The following RAB35 variants were observed in gnomAD, a reference collection of about 807,000 sequenced individuals.
RAB35 encodes ras-related protein Rab-35.
In RAB35, 4 loss-of-function variants were observed where a neutral mutation model predicts 28.9. That is an observed-to-expected ratio of 0.14 (90% CI 0.07 to 0.32). The LOEUF (loss-of-function observed/expected upper bound fraction) is 0.32. Ranked by LOEUF, RAB35 falls within the 10% of genes least tolerant of loss-of-function variation. RAB35 has a pLI of 1.00. For missense variants in RAB35, 128 were observed against 274.0 expected, an observed-to-expected ratio of 0.47 and a Z score of 3.76; for synonymous variants, 99 against 105.1, an observed-to-expected ratio of 0.94 and a Z score of 0.35.
intron 5 of RAB35, among the ~76,000 whole-genome samples, chr12:120,098,504 T>C (rs929392037): frequency 3.9e-5 from 6 of 152,232 alleles, no homozygotes; most frequent in Admixed American, 6.5e-5. Flanking sequence ...GAGTGGAAAC[T>C]GTGCTTGGCT....
At chr12:120,101,359 C>T (rs1032881040) in intron 3 of RAB35, among the ~76,000 whole-genome samples, 6 of 152,240 alleles carry the variant, frequency 3.9e-5, no homozygotes, top group East Asian at 1.9e-4. Context: ...CCAGGCCCAA[C>T]GCCAGGGCCT....
In RAB35 at chr12:120,096,796, C is replaced by T. The variant is rs771435735; in HGVS notation, c.*449G>A. ...GCCCACTCCACTGGCACGGGCTGGC[C>T]GCAGACGCAGCTAGAACGTGCCGCT... On this transcript the variant is annotated 3_prime_UTR_variant, in exon 6 of 6. Transcript: ENST00000229340. The T allele has an allele frequency of 5.4e-6, 7 of 1,291,210 alleles. No individual in the cohort carries two copies. The South Asian group carries it at 7.4e-5, about 14-fold the overall frequency. The allele number at this position is 1,291,210 out of a possible 1,614,324, so 80.0% of individuals were successfully genotyped here.
chr12:120,107,027 C>T (rs972101174), intron 2 of RAB35, among the ~76,000 whole-genome samples: 1 of 151,898 alleles, frequency 6.6e-6, no homozygotes, highest in Non-Finnish European at 1.5e-5. Context: ...CTCGCTCTGT[C>T]GTTCAGGCTG....
intron 2 of RAB35, among the ~76,000 whole-genome samples, chr12:120,105,174 C>A (rs59709506): frequency 0.096 from 14,658 of 152,174 alleles, 949 homozygotes; most frequent in African/African-American, 0.18. Flanking sequence ...CTGGGCCTAG[C>A]TTGAAAGAAC....
At chr12:120,098,407 C>T (rs1397187380) in intron 5 of RAB35, among the ~76,000 whole-genome samples, 1 of 152,246 alleles carries the variant, frequency 6.6e-6, no homozygotes, top group Non-Finnish European at 1.5e-5. Flanking sequence ...GCTGTGTGGC[C>T]CCTGTGCCCT....
At chr12:120,110,304 T>TTTTTTTTTTTTTTTTTTTTTTTTTTG (rs1566287423) in intron 1 of RAB35, among the ~76,000 whole-genome samples, 1 of 148,792 alleles carries the variant, frequency 6.7e-6, no homozygotes. Context: ...TTTTTTTTTT[T>TTTTTTTTTTTTTTTTTTTTTTTTTTG]GGAGAGATAG....
In RAB35 at chr12:120,095,293, G is replaced by A. The variant is rs1175023965; in HGVS notation, c.*1952C>T. On this transcript the variant is annotated 3_prime_UTR_variant, in exon 6 of 6. Transcript: ENST00000229340. ...ATAACCCCCATTCATGCGTGTAACA[G>A]TGGGACAGGCACACTGTCATGACCA... is the stretch of plus-strand genomic sequence containing the variant. 1 of 132,866 alleles carries A rather than the reference G, an allele frequency of 7.5e-6. No individual in the cohort carries two copies. The highest frequency in any genetic ancestry group is 1.6e-5 in the Non-Finnish European group (1 of 64,366). 8.2% of individuals were successfully genotyped at this position (132,866 alleles called of 1,614,324 possible).
intron 2 of RAB35, 58 bp downstream of exon 2, chr12:120,108,359 G>C (rs956704509): frequency 9.1e-5 from 137 of 1,509,282 alleles, no homozygotes; most frequent in Non-Finnish European, 1.2e-4. Flanking sequence ...TGCCAGGGAG[G>C]GGATGTCAAC....
In RAB35 at chr12:120,095,194, GTGTT is replaced by G. The variant is rs1202287108; in HGVS notation, c.*2047_*2050del. ...ACTCCTAGCAAACCATTGAAAAGTG[GTGTT>G]TGTTTGACAGGAATTTCACATCAGG... On this transcript the variant is annotated 3_prime_UTR_variant, in exon 6 of 6. Coordinates refer to ENST00000229340, the MANE Select transcript of RAB35 (RefSeq NM_006861.7). The G allele has an allele frequency of 6.6e-6, 1 of 152,568 alleles. No individual in the cohort carries two copies. The highest frequency in any genetic ancestry group is 2.1e-4 in the South Asian group (1 of 4,828). 9.5% of individuals were successfully genotyped at this position (152,568 alleles called of 1,614,324 possible). A position where few individuals can be genotyped will look rare whatever the true frequency, so the allele number is the denominator to read the frequency against.
chr12:120,096,936 C>G lies in RAB35; in HGVS notation c.*309G>C. 1 of 1,367,752 alleles carries G rather than the reference C, an allele frequency of 7.3e-7. No individual in the cohort carries two copies. Among genetic ancestry groups the G allele is most frequent in the Non-Finnish European group, 9.6e-7 (1 of 1,040,180 alleles). The allele number at this position is 1,367,752 out of a possible 1,614,324, so 84.7% of individuals were successfully genotyped here. A position where few individuals can be genotyped will look rare whatever the true frequency, so the allele number is the denominator to read the frequency against. On this transcript the variant is annotated 3_prime_UTR_variant, in exon 6 of 6. Transcript: ENST00000229340. ...GCCAGAGCAGGACGTGGTGTGCGGC[C>G]GGGTAGAGCAATATACACTATGTAC... is the stretch of plus-strand genomic sequence containing the variant.
At chr12:120,112,303 T>C (rs1876151659) in intron 1 of RAB35, among the ~76,000 whole-genome samples, 1 of 151,860 alleles carries the variant, frequency 6.6e-6, no homozygotes, top group African/African-American at 2.4e-5. Context: ...CTGTATCTGG[T>C]CCTCACCACG....
In RAB35 at chr12:120,097,197, G is replaced by C; in HGVS notation, c.*48C>G. The C allele has an allele frequency of 6.2e-7, 1 of 1,614,138 alleles. No individual in the cohort carries two copies. The highest frequency in any genetic ancestry group is 1.1e-5 in the South Asian group (1 of 91,072). On this transcript the variant is annotated 3_prime_UTR_variant, in exon 6 of 6. Coordinates refer to ENST00000229340, the MANE Select transcript of RAB35 (RefSeq NM_006861.7). Reference sequence around the variant, plus strand: ...CCCCGAGGAACCTCCGTGGGCCTCGGGCTGGGGGAGGGACCGCAGTGCAGT... The same window carrying C: ...CCCCGAGGAACCTCCGTGGGCCTCGCGCTGGGGGAGGGACCGCAGTGCAGT...
chr12:120,101,314 G>A (rs1019075615), intron 3 of RAB35, among the ~76,000 whole-genome samples: 6 of 152,128 alleles, frequency 3.9e-5, no homozygotes, highest in Admixed American at 1.3e-4. Context: ...TGAGTGCAGC[G>A]GCCAGCTGGA....
intron 2 of RAB35, among the ~76,000 whole-genome samples, chr12:120,107,661 G>A (rs1041169821): frequency 4.6e-5 from 7 of 151,966 alleles, no homozygotes; most frequent in Non-Finnish European, 7.4e-5. Context: ...GAGGTCAGAC[G>A]TTCGAGACCA....
chr12:120,110,289 C>CTTTTTTTTTTTT (rs1430969524), intron 1 of RAB35, among the ~76,000 whole-genome samples: 2 of 24,968 alleles, frequency 8.0e-5, no homozygotes, highest in Admixed American at 4.1e-4. Context: ...AAGCCCACAG[C>CTTTTTTTTTTTT]ATTTTTTTTT....
At chr12:120,097,488 G>GGTAT in intron 5 of RAB35, 115 bp from the exon 6 acceptor site, 1 of 761,844 alleles carries the variant, frequency 1.3e-6, no homozygotes, top group Non-Finnish European at 2.2e-6. Flanking sequence ...GTGCATTTTT[G>GGTAT]GTATGTATGT....
Position 120,095,304 on chromosome 12 carries a change from A to T in RAB35, c.*1941T>A, listed in dbSNP as rs1377912799. 7.4e-6 allele frequency: 1 copy of T among 134,958 alleles called. No homozygotes were observed. Among genetic ancestry groups the T allele is most frequent in the Non-Finnish European group, 1.5e-5 (1 of 64,688 alleles). The allele number at this position is 134,958 out of a possible 1,614,324, so 8.4% of individuals were successfully genotyped here. On this transcript the variant is annotated 3_prime_UTR_variant, in exon 6 of 6. Coordinates refer to ENST00000229340, the MANE Select transcript of RAB35 (RefSeq NM_006861.7). Reference sequence around the variant, plus strand: ...TCATGCGTGTAACAGTGGGACAGGCACACTGTCATGACCAAAATCACCCCA... The same window carrying T: ...TCATGCGTGTAACAGTGGGACAGGCTCACTGTCATGACCAAAATCACCCCA...
intron 1 of RAB35, among the ~76,000 whole-genome samples, chr12:120,115,738 C>A (rs980907150): frequency 3.3e-5 from 5 of 152,234 alleles, no homozygotes; most frequent in African/African-American, 1.2e-4. Flanking sequence ...TAGGAGCCCT[C>A]AAGCAGTGTG....
Position 120,097,080 on chromosome 12 carries a change from CGAG to C in RAB35, c.*162_*164del, listed in dbSNP as rs571701017. The C allele has an allele frequency of 7.1e-4, 1,098 of 1,551,176 alleles. 22 individuals carry two copies. The South Asian group carries it at 0.012, about 17-fold the overall frequency. On this transcript the variant is annotated 3_prime_UTR_variant, in exon 6 of 6. Coordinates refer to ENST00000229340, the MANE Select transcript of RAB35 (RefSeq NM_006861.7). Reference sequence around the variant, plus strand: ...GCTGGTCCAACACCTTCTTGGCACTCGAGGAGGGCGGGGGAGGAAGTGCCGATG... The same window carrying C: ...GCTGGTCCAACACCTTCTTGGCACTCGAGGGCGGGGGAGGAAGTGCCGATG...
Sources: allele counts gnomAD v4.1 joint callset (sites outside exome capture counted in the v4.1 genomes callset), GRCh38; gene constraint gnomAD v4.1.1; transcripts MANE v1.5; gene names NCBI Gene and HGNC (gene_info 2026-07-23, HGNC 2026-07-21).